SV2A: variants seen among roughly 807,000 people sequenced by gnomAD.
SV2A encodes synaptic vesicle glycoprotein 2A, also known as solute carrier family 22 member B1.
SV2A carries 25 observed loss-of-function variants against 78.0 expected under a neutral mutation model. The ratio of observed to expected loss-of-function variants is 0.32; its 90% CI spans 0.23 to 0.45. The LOEUF (loss-of-function observed/expected upper bound fraction) is 0.45, where lower values mean the gene tolerates loss of function less well. Among genes scored for constraint, SV2A ranks in the 20% least tolerant of loss-of-function variants. The pLI is 1.00. For synonymous variants in SV2A, 355 were observed against 384.7 expected (o/e 0.92, Z 0.90); for missense variants, 752 against 971.5 (o/e 0.77, Z 3.00).
intron 3 of SV2A, 115 bp from the exon 4 acceptor site, chr1:149,911,092 C>G: frequency 7.4e-7 from 1 of 1,353,748 alleles, no homozygotes; most frequent in Non-Finnish European, 9.9e-7. Flanking sequence ...GAGACTCCAT[C>G]TCACACATAA....
Position 149,913,868 on chromosome 1 carries a change from C to A in SV2A, c.-28G>T, listed in dbSNP as rs1553764198. The A allele has an allele frequency of 1.9e-6, 3 of 1,565,556 alleles. No homozygotes were observed. The highest frequency in any genetic ancestry group is 2.4e-5 in the South Asian group (2 of 84,544). Reference sequence around the variant, plus strand: ...TGGGGCTTGGGGCACTTCACTGGGTCTTCTCCACCTCCTGCTTCTTTTTCA... The same window carrying A: ...TGGGGCTTGGGGCACTTCACTGGGTATTCTCCACCTCCTGCTTCTTTTTCA... On this transcript the variant is annotated 5_prime_UTR_variant, in exon 2 of 13. Transcript: ENST00000369146.
chr1:149,905,044 C>T lies in SV2A; in HGVS notation c.2199G>A (p.Leu733=). 3 of 1,612,662 alleles carry T rather than the reference C, an allele frequency of 1.9e-6. No individual in the cohort carries two copies. The East Asian group carries it at 6.7e-5, about 36-fold the overall frequency. ...LALGSSLALK[L]PETRGQVLQ is the part of the protein sequence containing the mutation. ...GCAGCACCTGCCCCCGGGTCTCAGG[C>T]AGCTTCAGGGCCAGAGAGCTGCCAA... Residue 733 remains leucine, a synonymous_variant, in exon 13 of 13, where the codon CTG becomes CTA. Coordinates refer to ENST00000369146, the MANE Select transcript of SV2A (RefSeq NM_014849.5).
chr1:149,905,289 G>T, intron 12 of SV2A, 92 bp from the exon 13 acceptor site: 2 of 1,189,434 alleles, frequency 1.7e-6, no homozygotes, highest in Admixed American at 2.2e-5. Flanking sequence ...CCAGGAAGAT[G>T]CAGGCAGTGT....
intron 9 of SV2A, 25 bp downstream of exon 9, chr1:149,908,017 G>A (rs782219641): frequency 5.6e-6 from 9 of 1,609,962 alleles, no homozygotes; most frequent in African/African-American, 2.7e-5. Context: ...CAGGGAAGAA[G>A]TGAAGTTTAA....
chr1:149,917,283 G>GCC (rs587740146), intron 1 of SV2A, among the ~76,000 whole-genome samples: 21 of 149,852 alleles, frequency 1.4e-4, no homozygotes, highest in African/African-American at 4.5e-4. Context: ...TTCTTCCCCT[G>GCC]CCCCCCACCC....
At position 149,910,947 on chromosome 1, in the gene SV2A, G is replaced by T. The variant is rs782424423; in HGVS notation, c.834C>A (p.Ser278=). The T allele has an allele frequency of 2.5e-6, 4 of 1,614,036 alleles. No individual in the cohort carries two copies. Among genetic ancestry groups the T allele is most frequent in the Admixed American group, 1.7e-5 (1 of 60,014 alleles). The change falls in exon 4 of 13, where the codon TCC becomes TCA. Residue 278 remains serine (S), a synonymous_variant. Transcript: ENST00000369146. The surrounding 1 kb of genome is among the most constrained non-coding windows in gnomAD (Gnocchi z 4.2). Reference sequence around the variant, plus strand: ...CCTGGGCCAGAAACTCGGAGAAATAGGAGAAGACAATGGGGATGGACCCTC... The same window carrying T: ...CCTGGGCCAGAAACTCGGAGAAATATGAGAAGACAATGGGGATGGACCCTC... ...GIGGSIPIVF[S]YFSEFLAQEK...
Position 149,909,553 on chromosome 1 carries a change from T to A in SV2A, c.1198A>T (p.Ile400Phe), listed in dbSNP as rs371099446. The change falls in exon 7 of 13, where the codon ATT (isoleucine) becomes TTT (phenylalanine). Residue 400 changes from isoleucine (I) to phenylalanine (F), a missense_variant. Coordinates refer to ENST00000369146, the MANE Select transcript of SV2A (RefSeq NM_014849.5). ...TCAATCAATTCATCCTCCTGATGAA[T>A]CGTCTTAATGTGGGTTACCTGGGGT... is the stretch of plus-strand genomic sequence containing the variant. The part of the protein sequence containing the change: ...RVFSVTHIKT[I>F]HQEDELIEIQ... 1.2e-6 allele frequency: 2 copies of A among 1,614,004 alleles called. No homozygotes were observed. The highest frequency in any genetic ancestry group is 1.7e-6 in the Non-Finnish European group (2 of 1,179,994).
chr1:149,916,384 C>A (rs1416334572), intron 1 of SV2A, among the ~76,000 whole-genome samples: 1 of 152,174 alleles, frequency 6.6e-6, no homozygotes, highest in Non-Finnish European at 1.5e-5. Flanking sequence ...GGAAGTGGTG[C>A]TATTTTTAGC....
Position 149,904,376 on chromosome 1 carries a change from A to C in SV2A, c.*638T>G, listed in dbSNP as rs2092419036. Reference sequence around the variant, plus strand: ...TGTAAGTATACATACACATTCACACACAGTCCTGCGGAGCTGCCTCAGAAC... The same window carrying C: ...TGTAAGTATACATACACATTCACACCCAGTCCTGCGGAGCTGCCTCAGAAC... On this transcript the variant is annotated 3_prime_UTR_variant, in exon 13 of 13. Transcript: ENST00000369146. 1 of 152,916 alleles carries C rather than the reference A, an allele frequency of 6.5e-6. No individual in the cohort carries two copies. Among genetic ancestry groups the C allele is most frequent in the Non-Finnish European group, 1.5e-5 (1 of 68,258 alleles). 9.5% of individuals were successfully genotyped at this position (152,916 alleles called of 1,614,324 possible).
chr1:149,909,114 C>T, intron 8 of SV2A, 78 bp downstream of exon 8: 3 of 1,425,300 alleles, frequency 2.1e-6, no homozygotes, highest in Non-Finnish European at 3.0e-6. Context: ...TCCCCTGCAT[C>T]TCCATTCTCC....
chr1:149,907,171 T>G (rs1026856124), intron 10 of SV2A, among the ~76,000 whole-genome samples: 3 of 152,234 alleles, frequency 2.0e-5, no homozygotes, highest in Non-Finnish European at 4.4e-5. Flanking sequence ...TTAGGAAATT[T>G]TTCTGAGAAA....
At chr1:149,909,341 C>T (rs1375307911) in intron 7 of SV2A, 61 bp from the exon 8 acceptor site, 5 of 1,588,752 alleles carry the variant, frequency 3.1e-6, no homozygotes, top group South Asian at 2.2e-5. Context: ...CCATAGATCC[C>T]CACTTTTCTG....
At chr1:149,908,996 C>G (rs1444648464) in intron 8 of SV2A, among the ~76,000 whole-genome samples, 196 bp downstream of exon 8, 1 of 152,162 alleles carries the variant, frequency 6.6e-6, no homozygotes, top group Admixed American at 6.5e-5. Flanking sequence ...AGAATAGAAA[C>G]TGAATCCTGG....
rs145513602 is a variant in SV2A, at chr1:149,914,337, G to C, written c.-347-150C>G. 565 of 154,674 alleles carry C rather than the reference G, an allele frequency of 3.7e-3. 9 individuals are homozygous for C. Among genetic ancestry groups the C allele is most frequent in the African/African-American group, 0.013 (544 of 41,576 alleles). 9.6% of individuals were successfully genotyped at this position (154,674 alleles called of 1,614,324 possible). A position where few individuals can be genotyped will look rare whatever the true frequency, so the allele number is the denominator to read the frequency against. On this transcript the variant is annotated intron_variant, in intron 1 of 12. Transcript: ENST00000369146. ...TAGGCTCCCATCCACACACTAAAAA[G>C]GGATGGCTATCTGGGCTAACCGGGT...
chr1:149,913,775 G>C lies in SV2A; in HGVS notation c.66C>G (p.Val22=), dbSNP rs2092493594. The C allele has an allele frequency of 1.9e-6, 3 of 1,614,060 alleles. No homozygotes were observed. In the East Asian group the frequency reaches 6.7e-5, roughly 36 times the overall value. Residue 22 remains valine, a synonymous_variant, in exon 2 of 13, where the codon GTC becomes GTG. Coordinates refer to ENST00000369146, the MANE Select transcript of SV2A (RefSeq NM_014849.5). ...IRGAKDIAKE[V]KKHAAKKVVK... The stretch of plus-strand genomic sequence containing the variant: ...CCACCTTCTTGGCCGCATGCTTTTT[G>C]ACTTCCTTAGCAATGTCTTTGGCCC...
In SV2A at chr1:149,913,367, C is replaced by T. The variant is rs201397415; in HGVS notation, c.474G>A (p.Glu158=). The change falls in exon 2 of 13, where the codon GAG becomes GAA. Residue 158 remains glutamate (E), a synonymous_variant. Transcript: ENST00000369146. The part of the protein sequence containing the change: ...LAQQYEAILR[E]CGHGRFQWTL... Reference sequence around the variant, plus strand: ...TCCACTGGAAGCGGCCGTGGCCACACTCCCGTAGGATGGCTTCATACTGTT... The same window carrying T: ...TCCACTGGAAGCGGCCGTGGCCACATTCCCGTAGGATGGCTTCATACTGTT... The T allele has an allele frequency of 6.2e-7, 1 of 1,614,180 alleles. No individual in the cohort carries two copies. The highest frequency in any genetic ancestry group is 8.5e-7 in the Non-Finnish European group (1 of 1,180,042).
intron 2 of SV2A, 33 bp from the exon 3 acceptor site, chr1:149,912,013 G>A: frequency 1.3e-6 from 2 of 1,599,978 alleles, no homozygotes; most frequent in Non-Finnish European, 1.7e-6. Context: ...CAGAGGGGGT[G>A]TGAGCAGACA....
At position 149,913,843 on chromosome 1, in the gene SV2A, TG is replaced by T; in HGVS notation, c.-4del. The T allele has an allele frequency of 6.3e-7, 1 of 1,595,940 alleles. No homozygotes were observed. Among genetic ancestry groups the T allele is most frequent in the African/African-American group, 1.3e-5 (1 of 74,382 alleles). On this transcript the variant is annotated 5_prime_UTR_variant, in exon 2 of 13. Transcript: ENST00000369146. Reference sequence around the variant, plus strand: ...CGGTCTCGGAAGCCCTCTTCCATGATGGGGCTTGGGGCACTTCACTGGGTCT... The same window carrying T: ...CGGTCTCGGAAGCCCTCTTCCATGATGGGCTTGGGGCACTTCACTGGGTCT...
rs587625839 is a variant in SV2A at position 149,910,869 on chromosome 1, G to A, written c.912C>T (p.Gly304=). The part of the protein sequence containing the change: ...SWLCMFWMIG[G]VYAAAMAWAI... Reference sequence around the variant, plus strand: ...CCCAGGCCATAGCAGCTGCGTACACGCCACCAATCATCCAAAACATGCAGA... The same window carrying A: ...CCCAGGCCATAGCAGCTGCGTACACACCACCAATCATCCAAAACATGCAGA... The change falls in exon 4 of 13, where the codon GGC becomes GGT. Residue 304 remains glycine (G), a synonymous_variant. Transcript: ENST00000369146. The surrounding 1 kb of genome is among the most constrained non-coding windows in gnomAD (Gnocchi z 4.2). 2.1e-4 allele frequency: 337 copies of A among 1,614,178 alleles called. 5 individuals carry two copies. In the South Asian group the frequency reaches 3.2e-3, roughly 15 times the overall value.
Sources: allele counts gnomAD v4.1 joint callset (sites outside exome capture counted in the v4.1 genomes callset), GRCh38; gene constraint gnomAD v4.1.1; non-coding constraint Gnocchi (gnomAD v3.1); transcripts MANE v1.5; gene names NCBI Gene and HGNC (gene_info 2026-07-23, HGNC 2026-07-21).